HSD17B12: variants seen among roughly 807,000 people sequenced by gnomAD.
HSD17B12 encodes the protein very-long-chain 3-oxoacyl-CoA reductase.
Under a neutral mutation model 39.3 loss-of-function variants are expected in HSD17B12, and 32 were observed. The ratio of observed to expected loss-of-function variants is 0.81; its 90% CI spans 0.61 to 1.09. The LOEUF is 1.09. HSD17B12 is among the 50% of genes least tolerant of loss of function. The pLI is 0.00. For synonymous variants in HSD17B12, 150 were observed against 146.7 expected, an observed-to-expected ratio of 1.02 and a Z score of -0.16; for missense variants, 342 against 382.9, an observed-to-expected ratio of 0.89 and a Z score of 0.89.
chr11:43,578,049 A>G, the HSD17B12 span, among the ~76,000 whole-genome samples: 1 of 152,162 alleles, frequency 6.6e-6, no homozygotes, highest in Non-Finnish European at 1.5e-5. Flanking sequence ...ACGCGCACAC[A>G]AAGACATTCA....
chr11:43,655,618 G>T, the HSD17B12 span, among the ~76,000 whole-genome samples: 1 of 152,142 alleles, frequency 6.6e-6, no homozygotes, highest in Non-Finnish European at 1.5e-5. Context: ...AGCATGAAGG[G>T]CTGTTGAATT....
intron 3 of HSD17B12, among the ~76,000 whole-genome samples, chr11:43,771,616 A>G (rs928135269): frequency 6.6e-6 from 1 of 151,454 alleles, no homozygotes; most frequent in Non-Finnish European, 1.5e-5. Context: ...AAAGACACAC[A>G]CTACTATGCC....
chr11:43,693,374 A>G (rs1213518780), intron 1 of HSD17B12, among the ~76,000 whole-genome samples: 1 of 152,200 alleles, frequency 6.6e-6, no homozygotes, highest in Non-Finnish European at 1.5e-5. Flanking sequence ...TGAAACTGGT[A>G]TGAGGCAAGA....
the HSD17B12 span, among the ~76,000 whole-genome samples, chr11:43,668,061 T>C: frequency 6.6e-6 from 1 of 152,132 alleles, no homozygotes; most frequent in African/African-American, 2.4e-5. Flanking sequence ...ATACACTTCC[T>C]TACGGAACAC....
At chr11:43,563,621 C>A in the HSD17B12 span, among the ~76,000 whole-genome samples, 1 of 152,182 alleles carries the variant, frequency 6.6e-6, no homozygotes, top group Non-Finnish European at 1.5e-5. Flanking sequence ...TCGAGACCAG[C>A]CTGAGCAACA....
chr11:43,650,933 TC>T, the HSD17B12 span, among the ~76,000 whole-genome samples: 1 of 152,206 alleles, frequency 6.6e-6, no homozygotes, highest in Non-Finnish European at 1.5e-5. Flanking sequence ...AGTAGCTATC[TC>T]AGTTGGATTG....
the HSD17B12 span, among the ~76,000 whole-genome samples, chr11:43,589,596 A>C: frequency 6.6e-6 from 1 of 152,176 alleles, no homozygotes; most frequent in East Asian, 1.9e-4. Flanking sequence ...CCCACAGTCT[A>C]TGCATTGCTT....
chr11:43,563,212 A>G, the HSD17B12 span, among the ~76,000 whole-genome samples: 1 of 152,186 alleles, frequency 6.6e-6, no homozygotes, highest in South Asian at 2.1e-4. Context: ...GCCATACACT[A>G]GATTCTCAGG....
chr11:43,682,159 G>C, intron 1 of HSD17B12, among the ~76,000 whole-genome samples: 1 of 152,316 alleles, frequency 6.6e-6, no homozygotes, highest in Middle Eastern at 3.4e-3. Flanking sequence ...TTAACATTAA[G>C]AGAAAACATC....
At chr11:43,580,450 C>A in the HSD17B12 span, among the ~76,000 whole-genome samples, 1 of 151,886 alleles carries the variant, frequency 6.6e-6, no homozygotes, top group East Asian at 1.9e-4. Context: ...AATACTGAGA[C>A]GGTTTCGGGG....
At chr11:43,748,084 T>A (rs542278395) in intron 1 of HSD17B12, among the ~76,000 whole-genome samples, 3 of 152,260 alleles carry the variant, frequency 2.0e-5, no homozygotes, top group African/African-American at 7.2e-5. Flanking sequence ...TGTTAGTGAA[T>A]CAATAACAAG....
At chr11:43,756,214 T>C (rs1950506492) in intron 3 of HSD17B12, among the ~76,000 whole-genome samples, 1 of 151,890 alleles carries the variant, frequency 6.6e-6, no homozygotes, top group Non-Finnish European at 1.5e-5. Context: ...AAATATGTTA[T>C]ATCTTTTTTT....
At chr11:43,740,685 G>A (rs879550973) in intron 1 of HSD17B12, among the ~76,000 whole-genome samples, 1 of 152,200 alleles carries the variant, frequency 6.6e-6, no homozygotes, top group Non-Finnish European at 1.5e-5. Flanking sequence ...GGCAAAAGGG[G>A]CCTGTCTCTG....
At chr11:43,587,582 G>A in the HSD17B12 span, among the ~76,000 whole-genome samples, 86 of 152,326 alleles carry the variant, frequency 5.6e-4, no homozygotes, top group Non-Finnish European at 9.0e-4. Context: ...TACTGCAAGT[G>A]GCTAGAATAA....
chr11:43,687,659 G>T (rs1386167791), intron 1 of HSD17B12, among the ~76,000 whole-genome samples: 2 of 152,226 alleles, frequency 1.3e-5, no homozygotes, highest in Admixed American at 1.3e-4. Context: ...AGCCAGGAAA[G>T]CTCAGATATG....
At chr11:43,631,555 G>GTCTCTCTCTCTCTGCCTGTC in the HSD17B12 span, among the ~76,000 whole-genome samples, 1 of 151,160 alleles carries the variant, frequency 6.6e-6, no homozygotes, top group Non-Finnish European at 1.5e-5. Flanking sequence ...GTGTGTGTGT[G>GTCTCTCTCTCTCTGCCTGTC]TCTCTCTCTC....
intron 1 of HSD17B12, among the ~76,000 whole-genome samples, chr11:43,701,401 T>A (rs1238247422): frequency 1.3e-5 from 2 of 152,210 alleles, no homozygotes; most frequent in African/African-American, 4.8e-5. Context: ...GCTCAAGAAC[T>A]TTTTGCCCAG....
the HSD17B12 span, among the ~76,000 whole-genome samples, chr11:43,619,548 G>A: frequency 6.6e-6 from 1 of 151,028 alleles, no homozygotes; most frequent in Non-Finnish European, 1.5e-5. Context: ...TGACACCAAG[G>A]CTGGCTAATT....
chr11:43,640,476 T>C, the HSD17B12 span, among the ~76,000 whole-genome samples: 1 of 152,132 alleles, frequency 6.6e-6, no homozygotes, highest in South Asian at 2.1e-4. Flanking sequence ...TCTTAGAGTA[T>C]GTAGGGTTTT....
Sources: allele counts gnomAD v4.1 joint callset (sites outside exome capture counted in the v4.1 genomes callset), GRCh38; gene constraint gnomAD v4.1.1; transcripts MANE v1.5; gene names NCBI Gene and HGNC (gene_info 2026-07-23, HGNC 2026-07-21).